The following LRRC37A2 variants were observed in gnomAD, a reference collection of about 807,000 sequenced individuals.
The protein encoded by LRRC37A2 is leucine rich repeat containing 37 member A2.
Under a neutral mutation model 68.8 loss-of-function variants are expected in LRRC37A2, and 9 were observed. The observed-to-expected ratio is 0.13, with a 90% CI of 0.08 to 0.23. The LOEUF (loss-of-function observed/expected upper bound fraction) is 0.23. Ranked by LOEUF, LRRC37A2 falls within the 10% of genes least tolerant of loss-of-function variation. LRRC37A2 has a pLI of 1.00. For synonymous variants in LRRC37A2, 63 were observed against 367.6 expected (o/e 0.17, Z 9.48); for missense variants, 168 against 950.4 (o/e 0.18, Z 10.82).
At chr17:46,899,382 G>T in the LRRC37A2 span, among the ~76,000 whole-genome samples, 24 of 152,230 alleles carry the variant, frequency 1.6e-4, 1 homozygote, top group South Asian at 4.4e-3. Context: ...TCCAGCCGGG[G>T]TGACAGAGCG....
At chr17:46,609,607 GTTTATA>G in the LRRC37A2 span, among the ~76,000 whole-genome samples, 52 of 147,312 alleles carry the variant, frequency 3.5e-4, no homozygotes, top group East Asian at 9.8e-3. Context: ...ATACTATTAT[GTTTATA>G]TTTATTAGTA....
chr17:46,790,461 C>G, the LRRC37A2 span, among the ~76,000 whole-genome samples: 3 of 152,074 alleles, frequency 2.0e-5, no homozygotes, highest in Non-Finnish European at 4.4e-5. Context: ...CCCTCCCTCC[C>G]TCAAGGTTGA....
At chr17:46,678,487 A>AAGAGAG in the LRRC37A2 span, among the ~76,000 whole-genome samples, 4 of 146,930 alleles carry the variant, frequency 2.7e-5, no homozygotes, top group East Asian at 2.0e-4. Flanking sequence ...AAGAGAGAGT[A>AAGAGAG]AGAGAGAGAG....
the LRRC37A2 span, among the ~76,000 whole-genome samples, chr17:47,024,247 T>C: frequency 1.5e-4 from 23 of 152,194 alleles, no homozygotes; most frequent in Non-Finnish European, 2.6e-4. Flanking sequence ...CACATTATAG[T>C]TCTCCAATTT....
the LRRC37A2 span, among the ~76,000 whole-genome samples, chr17:46,693,434 G>A: frequency 3.7e-4 from 56 of 151,740 alleles, no homozygotes; most frequent in African/African-American, 1.2e-3. Context: ...CAGGGAGTGC[G>A]TTTCAGATCC....
the LRRC37A2 span, among the ~76,000 whole-genome samples, chr17:46,950,789 C>T: frequency 9.9e-5 from 15 of 152,124 alleles, no homozygotes; most frequent in Non-Finnish European, 1.0e-4. Context: ...CTGATGAGAT[C>T]AAAACTGTCC....
the LRRC37A2 span, among the ~76,000 whole-genome samples, chr17:47,025,483 G>T: frequency 6.6e-6 from 1 of 152,266 alleles, no homozygotes; most frequent in East Asian, 1.9e-4. Flanking sequence ...TTCAGGAATT[G>T]TTATATTAAT....
At chr17:46,466,744 G>A in the LRRC37A2 span, among the ~76,000 whole-genome samples, 8 of 100,198 alleles carry the variant, frequency 8.0e-5, no homozygotes, top group Non-Finnish European at 1.1e-4. Flanking sequence ...ATGTGTGCAT[G>A]TGTCTTTATA....
chr17:46,717,192 C>G, the LRRC37A2 span, among the ~76,000 whole-genome samples: 15,317 of 152,114 alleles, frequency 0.1, 1,055 homozygotes, highest in Non-Finnish European at 0.14. Flanking sequence ...TCATTTGCAA[C>G]AACATGGATG....
the LRRC37A2 span, among the ~76,000 whole-genome samples, chr17:46,912,740 C>A: frequency 1.3e-5 from 2 of 152,270 alleles, no homozygotes; most frequent in African/African-American, 4.8e-5. Flanking sequence ...CCAGAGGTGA[C>A]AAGATGATGT....
chr17:46,809,339 G>GCGAGATTGGTTTTCCTTGC, the LRRC37A2 span, among the ~76,000 whole-genome samples: 1 of 152,208 alleles, frequency 6.6e-6, no homozygotes, highest in Non-Finnish European at 1.5e-5. Context: ...AATGGGCCCT[G>GCGAGATTGGTTTTCCTTGC]CGAGATTGGT....
At chr17:46,855,278 C>G in the LRRC37A2 span, among the ~76,000 whole-genome samples, 3 of 152,360 alleles carry the variant, frequency 2.0e-5, no homozygotes, top group African/African-American at 7.2e-5. Context: ...CTTTTAGACT[C>G]TCTTGGCTGT....
At chr17:46,394,723 CA>C in the LRRC37A2 span, among the ~76,000 whole-genome samples, 4 of 45,788 alleles carry the variant, frequency 8.7e-5, no homozygotes, top group South Asian at 3.4e-3. Flanking sequence ...GCAGCTACTG[CA>C]CAAAAGTTTT....
chr17:46,782,088 C>T, the LRRC37A2 span, among the ~76,000 whole-genome samples: 1 of 152,198 alleles, frequency 6.6e-6, no homozygotes, highest in Non-Finnish European at 1.5e-5. Context: ...GGGAAAGGCT[C>T]CCCTCCTCCC....
At chr17:46,708,064 A>G in the LRRC37A2 span, among the ~76,000 whole-genome samples, 1 of 151,512 alleles carries the variant, frequency 6.6e-6, no homozygotes, top group African/African-American at 2.4e-5. Flanking sequence ...CATGATATGT[A>G]CATACCACAT....
chr17:46,889,827 G>T, the LRRC37A2 span, among the ~76,000 whole-genome samples: 7 of 152,090 alleles, frequency 4.6e-5, no homozygotes, highest in African/African-American at 1.4e-4. Context: ...TTGCACTCAG[G>T]GCTGACATTC....
the LRRC37A2 span, among the ~76,000 whole-genome samples, chr17:46,837,211 G>A: frequency 6.6e-6 from 1 of 152,168 alleles, no homozygotes; most frequent in African/African-American, 2.4e-5. Flanking sequence ...AAAGTGCTGG[G>A]ATTACAGGCG....
chr17:46,855,225 G>A, the LRRC37A2 span, among the ~76,000 whole-genome samples: 6 of 152,216 alleles, frequency 3.9e-5, no homozygotes, highest in South Asian at 4.1e-4. Context: ...GAGGCCGAAG[G>A]GGGTGAGGGT....
the LRRC37A2 span, among the ~76,000 whole-genome samples, chr17:46,857,825 G>A: frequency 6.6e-6 from 1 of 152,216 alleles, no homozygotes; most frequent in African/African-American, 2.4e-5. Context: ...GATGAATGGT[G>A]TGTTGAACAT....
Sources: allele counts gnomAD v4.1 joint callset (sites outside exome capture counted in the v4.1 genomes callset), GRCh38; gene constraint gnomAD v4.1.1; transcripts MANE v1.5; gene names NCBI Gene and HGNC (gene_info 2026-07-23, HGNC 2026-07-21).